The following ACSM6 variants were observed in gnomAD, a reference collection of about 807,000 sequenced individuals.
The protein encoded by ACSM6 is acyl-coenzyme A synthetase ACSM6, mitochondrial.
ACSM6 carries 35 observed loss-of-function variants against 51.1 expected under a neutral mutation model. The ratio of observed to expected loss-of-function variants is 0.69; its 90% CI spans 0.52 to 0.91. ACSM6 has a LOEUF of 0.91. Among genes scored for constraint, ACSM6 ranks in the 40% least tolerant of loss-of-function variants. ACSM6 has a pLI of 0.00. For missense variants in ACSM6, 509 were observed against 584.1 expected (o/e 0.87, Z 1.32); for synonymous variants, 172 against 207.3 (o/e 0.83, Z 1.46).
At position 95,196,803 on chromosome 10, in the gene ACSM6, A is replaced by C. The variant is rs528034225; in HGVS notation, c.192+2126A>C. Among the ~76,000 whole-genome samples the C allele has an allele frequency of 3.5e-4, 54 of 152,368 alleles. No homozygotes were observed. The South Asian group carries it at 0.011, about 32-fold the overall frequency. ...CAATATGATGTGGAAACTACCTTTC[A>C]ACACCAATAAATATTCTACTTAATA... On this transcript the variant is annotated intron_variant, in intron 2 of 10. Transcript: ENST00000341686.
chr10:95,210,634 C>A lies in ACSM6; in HGVS notation c.612-16C>A. 1 of 1,610,134 alleles carries A rather than the reference C, an allele frequency of 6.2e-7. No homozygotes were observed. The highest frequency in any genetic ancestry group is 8.5e-7 in the Non-Finnish European group (1 of 1,178,716). On this transcript the variant is annotated splice_polypyrimidine_tract_variant and intron_variant, in intron 4 of 10. Coordinates refer to ENST00000341686, the Ensembl canonical transcript of ACSM6. Reference sequence around the variant, plus strand: ...CTAAATTTAGATCTCACTGTTGCCTCTTTCCTGGCTTACAGAGTTGCCCCT... The same window carrying A: ...CTAAATTTAGATCTCACTGTTGCCTATTTCCTGGCTTACAGAGTTGCCCCT...
At chr10:95,199,561 G>C (rs1445325735) in intron 2 of ACSM6, among the ~76,000 whole-genome samples, 3 of 152,062 alleles carry the variant, frequency 2.0e-5, no homozygotes, top group South Asian at 2.1e-4. Flanking sequence ...AGAGTGAACA[G>C]GCAACCTACA....
chr10:95,211,911 G>A (rs2034896893), exon 6 of ACSM6: 5 of 1,612,606 alleles, frequency 3.1e-6, no homozygotes, highest in Non-Finnish European at 4.2e-6. Flanking sequence ...CAGATGTCTT[G>A]TGGAGTCTGG....
chr10:95,205,579 G>T (rs969233529), intron 3 of ACSM6, among the ~76,000 whole-genome samples: 1 of 152,040 alleles, frequency 6.6e-6, no homozygotes, highest in African/African-American at 2.4e-5. Context: ...TACAAATCTG[G>T]GTTGGAGGAC....
At chr10:95,213,245 CA>C (rs1321008548) in intron 7 of ACSM6, among the ~76,000 whole-genome samples, 1 of 151,852 alleles carries the variant, frequency 6.6e-6, no homozygotes, top group African/African-American at 2.4e-5. Context: ...ACCTTTAATT[CA>C]AAAAGTAAAT....
intron 9 of ACSM6, among the ~76,000 whole-genome samples, chr10:95,221,525 G>A (rs992360036): frequency 6.6e-6 from 1 of 152,120 alleles, no homozygotes; most frequent in African/African-American, 2.4e-5. Flanking sequence ...GGCGGGGGTT[G>A]CAGGGAGCCA....
chr10:95,214,604 T>G (rs1589495890), intron 7 of ACSM6, among the ~76,000 whole-genome samples: 1 of 152,212 alleles, frequency 6.6e-6, no homozygotes, highest in Non-Finnish European at 1.5e-5. Context: ...CAGTTAGCAC[T>G]GGTTGATTTG....
At chr10:95,201,344 T>C (rs1003943555) in intron 2 of ACSM6, 3 of 392,012 alleles carry the variant, frequency 7.7e-6, no homozygotes, top group Non-Finnish European at 1.5e-5. Context: ...TGTCTATTAT[T>C]TCCATCTTTA....
At chr10:95,212,151 T>G (rs1320395901) in intron 6 of ACSM6, 117 bp downstream of exon 6, 2 of 1,274,848 alleles carry the variant, frequency 1.6e-6, no homozygotes, top group Non-Finnish European at 2.2e-6. Context: ...TGGAATGTGA[T>G]CTTGACTTGA....
At chr10:95,217,300 A>G (rs1214003195) in intron 8 of ACSM6, among the ~76,000 whole-genome samples, 1 of 148,764 alleles carries the variant, frequency 6.7e-6, no homozygotes, top group Non-Finnish European at 1.5e-5. Context: ...GTGAGCCAAG[A>G]TCGCACCACT....
intron 2 of ACSM6, among the ~76,000 whole-genome samples, chr10:95,200,615 G>GAGAAGGAGAAGAAGA (rs144423976): frequency 4.0e-5 from 6 of 148,436 alleles, no homozygotes; most frequent in African/African-American, 1.0e-4. Context: ...GAAGGAGAAG[G>GAGAAGGAGAAGAAGA]AGAAGAAGAA....
intron 10 of ACSM6, chr10:95,226,202 T>C (rs2035037111): frequency 6.6e-6 from 1 of 152,242 alleles, no homozygotes; most frequent in South Asian, 2.1e-4. Flanking sequence ...GTAAATATCC[T>C]ATTCTCCAAT....
chr10:95,218,224 T>C (rs1455565231), intron 8 of ACSM6, among the ~76,000 whole-genome samples: 1 of 152,252 alleles, frequency 6.6e-6, no homozygotes, highest in Non-Finnish European at 1.5e-5. Flanking sequence ...TTGGCATTTT[T>C]AGTTAGTCAC....
exon 1 of ACSM6, chr10:95,194,275 G>GC (rs1034485244): frequency 8.1e-6 from 4 of 493,474 alleles, no homozygotes; most frequent in Middle Eastern, 5.3e-4. Flanking sequence ...AACATCTGAA[G>GC]CCCCCCATAG....
At chr10:95,218,205 C>T (rs928777101) in intron 8 of ACSM6, among the ~76,000 whole-genome samples, 1 of 152,142 alleles carries the variant, frequency 6.6e-6, no homozygotes, top group Non-Finnish European at 1.5e-5. Flanking sequence ...CCAGCAACAC[C>T]TAATAAACTT....
chr10:95,207,942 A>G (rs2034859236), intron 4 of ACSM6, among the ~76,000 whole-genome samples: 1 of 152,040 alleles, frequency 6.6e-6, no homozygotes, highest in Non-Finnish European at 1.5e-5. Flanking sequence ...GGAGTTCGAG[A>G]CCAGCCTGGC....
intron 6 of ACSM6, among the ~76,000 whole-genome samples, chr10:95,212,256 A>G (rs1268246512): frequency 6.6e-6 from 1 of 152,190 alleles, no homozygotes; most frequent in African/African-American, 2.4e-5. Context: ...ATCACTGAGA[A>G]GGAAACTTTT....
chr10:95,222,364 C>T (rs908516220), intron 9 of ACSM6, among the ~76,000 whole-genome samples: 5 of 151,916 alleles, frequency 3.3e-5, no homozygotes, highest in Non-Finnish European at 7.4e-5. Flanking sequence ...GGCTTACACC[C>T]GTAATCCCAG....
intron 2 of ACSM6, among the ~76,000 whole-genome samples, chr10:95,199,350 T>TCC (rs1212600113): frequency 2.6e-5 from 4 of 152,124 alleles, no homozygotes; most frequent in African/African-American, 9.7e-5. Flanking sequence ...AAAAATTAAT[T>TCC]CAAGATGGAT....
Sources: allele counts gnomAD v4.1 joint callset (sites outside exome capture counted in the v4.1 genomes callset), GRCh38; gene constraint gnomAD v4.1.1; transcripts MANE v1.5; gene names NCBI Gene and HGNC (gene_info 2026-07-23, HGNC 2026-07-21).